CEP68: variants seen among roughly 807,000 people sequenced by gnomAD.
CEP68 encodes the protein centrosomal protein 68.
In CEP68, 26 loss-of-function variants were observed where a neutral mutation model predicts 55.3. The ratio of observed to expected loss-of-function variants is 0.47; its 90% CI spans 0.34 to 0.65. The LOEUF (loss-of-function observed/expected upper bound fraction) is 0.65, where lower values mean the gene tolerates loss of function less well. Among genes scored for constraint, CEP68 ranks in the 30% least tolerant of loss-of-function variants. The probability of loss-of-function intolerance (pLI) is 0.01; values close to 1 mark genes in which losing one functional copy is unlikely to be tolerated. For synonymous variants in CEP68, 402 were observed against 383.2 expected (o/e 1.05, Z -0.57); for missense variants, 957 against 946.7 (o/e 1.01, Z -0.14).
chr2:65,056,838 T>C (rs74181299), intron 1 of CEP68, among the ~76,000 whole-genome samples: 69,044 of 151,844 alleles, frequency 0.45, 16,682 homozygotes, highest in African/African-American at 0.63. Context: ...GGCGAGGGAG[T>C]GCGCGAGTCC....
chr2:65,062,705 T>C (rs528704001), intron 1 of CEP68, among the ~76,000 whole-genome samples: 1 of 151,004 alleles, frequency 6.6e-6, no homozygotes, highest in East Asian at 2.0e-4. Flanking sequence ...CGCATGGTGG[T>C]GCACGCCTGT....
chr2:65,056,633 C>G (rs1359094607), intron 1 of CEP68, 105 bp downstream of exon 1: 1 of 152,050 alleles, frequency 6.6e-6, no homozygotes, highest in African/African-American at 2.4e-5. Context: ...TCCCCCGCGT[C>G]TCTTCGGTGC....
At position 65,071,826 on chromosome 2, in the gene CEP68, C is replaced by G. The variant is rs1420153134; in HGVS notation, c.730C>G (p.Pro244Ala). The change falls in exon 3 of 7, where the codon CCT becomes GCT. Residue 244 changes from proline to alanine, a missense_variant. By Grantham distance (27) the Pro-to-Ala change is conservative. Coordinates refer to ENST00000377990, the MANE Select transcript of CEP68 (RefSeq NM_015147.3). ...ACCTTCCTCTGTGGTGGGGCTAGGA[C>G]CTCGGCCCCAGTGGTCACCACAGCC... ...QEPSSVVGLG[P>A]RPQWSPQPVF... The G allele has an allele frequency of 6.2e-7, 1 of 1,604,160 alleles. No homozygotes were observed. The highest frequency in any genetic ancestry group is 1.1e-5 in the South Asian group (1 of 89,918).
chr2:65,081,931 A>G (rs546664160), intron 5 of CEP68, among the ~76,000 whole-genome samples: 16 of 152,334 alleles, frequency 1.1e-4, no homozygotes, highest in African/African-American at 3.8e-4. Context: ...TCCTGACCTC[A>G]GGCAATCCAT....
chr2:65,078,020 C>A, intron 5 of CEP68, 56 bp downstream of exon 5: 2 of 1,341,508 alleles, frequency 1.5e-6, no homozygotes, highest in Non-Finnish European at 2.1e-6. Flanking sequence ...CAGCAGCAGG[C>A]CCAGGGACCG....
intron 4 of CEP68, among the ~76,000 whole-genome samples, chr2:65,076,529 A>G (rs1184356063): frequency 6.6e-6 from 1 of 152,090 alleles, no homozygotes; most frequent in African/African-American, 2.4e-5. Flanking sequence ...GCTCATGCGT[A>G]TGTGTGTGCT....
Position 65,059,452 on chromosome 2 carries a change from T to G in CEP68, c.-47+2924T>G, listed in dbSNP as rs10084305. Among the ~76,000 whole-genome samples, 804 of 152,344 alleles carry G rather than the reference T, an allele frequency of 5.3e-3. 5 individuals are homozygous for G. The highest frequency in any genetic ancestry group is 0.018 in the African/African-American group (763 of 41,558). The stretch of plus-strand genomic sequence containing the variant: ...AAATTCAGGTCTGTGATTCTGTTTT[T>G]AACATAGCCATCATGAATCTCAAAT... On this transcript the variant is annotated intron_variant, in intron 1 of 6. Coordinates refer to ENST00000377990, the MANE Select transcript of CEP68 (RefSeq NM_015147.3).
chr2:65,077,504 G>T (rs926707424), intron 4 of CEP68, among the ~76,000 whole-genome samples: 1 of 152,118 alleles, frequency 6.6e-6, no homozygotes, highest in African/African-American at 2.4e-5. Context: ...CAGATCTCCT[G>T]TGGTCCATTA....
chr2:65,071,522 T>A lies in CEP68; in HGVS notation c.426T>A (p.Thr142=), dbSNP rs762702424. The A allele has an allele frequency of 1.1e-5, 17 of 1,613,978 alleles. No individual in the cohort carries two copies. The East Asian group carries it at 2.7e-4, about 25-fold the overall frequency. Residue 142 remains threonine, a synonymous_variant, in exon 3 of 7, where the codon ACT becomes ACA. Coordinates refer to ENST00000377990, the MANE Select transcript of CEP68 (RefSeq NM_015147.3). Reference sequence around the variant, plus strand: ...CTCTGAGCCTTCCCAGAACAACAACTATTTGCTCAGGACATGATGCTGATA... The same window carrying A: ...CTCTGAGCCTTCCCAGAACAACAACAATTTGCTCAGGACATGATGCTGATA... ...PQTLSLPRTT[T]ICSGHDADTE...
At chr2:65,058,647 C>T (rs1295591559) in intron 1 of CEP68, among the ~76,000 whole-genome samples, 1 of 151,700 alleles carries the variant, frequency 6.6e-6, no homozygotes, top group East Asian at 1.9e-4. Context: ...GCTAGGATTA[C>T]AGGCACCCAC....
At chr2:65,076,994 C>CTTTA (rs1573044261) in intron 4 of CEP68, among the ~76,000 whole-genome samples, 1 of 51,624 alleles carries the variant, frequency 1.9e-5, no homozygotes, top group South Asian at 5.7e-4. Context: ...TTTGACTTTA[C>CTTTA]CTTTTTTTTT....
chr2:65,073,716 A>C (rs936594881), intron 3 of CEP68: 1 of 160,880 alleles, frequency 6.2e-6, no homozygotes, highest in African/African-American at 2.4e-5. Context: ...TTGAAGGTTC[A>C]GGAATGTGCC....
intron 3 of CEP68, 81 bp from the exon 4 acceptor site, chr2:65,074,198 GTCC>G (rs1331516357): frequency 1.6e-5 from 24 of 1,529,226 alleles, no homozygotes; most frequent in Non-Finnish European, 1.8e-5. Context: ...CTGTCTCCAA[GTCC>G]TCCTGATATT....
chr2:65,056,711 T>G (rs1675614121), intron 1 of CEP68, among the ~76,000 whole-genome samples, 183 bp downstream of exon 1: 6 of 151,918 alleles, frequency 3.9e-5, no homozygotes, highest in Admixed American at 2.6e-4. Context: ...AAAGGCTCCC[T>G]GGGGGGCGGG....
intron 1 of CEP68, among the ~76,000 whole-genome samples, chr2:65,066,748 ATATAT>A (rs1676203549): frequency 1.9e-5 from 1 of 51,846 alleles, no homozygotes; most frequent in African/African-American, 7.2e-5. Context: ...AAAAAAAAAT[ATATAT>A]ATATATATAT....
chr2:65,065,002 CTGTT>C (rs1410760548), intron 1 of CEP68, among the ~76,000 whole-genome samples: 2 of 152,186 alleles, frequency 1.3e-5, no homozygotes, highest in East Asian at 1.9e-4. Flanking sequence ...TGTGGCTTAA[CTGTT>C]TGATCACTTA....
rs781701140 is a variant in CEP68 at position 65,069,432 on chromosome 2, G to A, written c.-13G>A. The A allele has an allele frequency of 3.3e-6, 5 of 1,502,522 alleles. No homozygotes were observed. The South Asian group carries it at 6.9e-5, about 21-fold the overall frequency. 93.1% of individuals were successfully genotyped at this position (1,502,522 alleles called of 1,614,324 possible). A position where few individuals can be genotyped will look rare whatever the true frequency, so the allele number is the denominator to read the frequency against. On this transcript the variant is annotated 5_prime_UTR_variant, in exon 2 of 7. Coordinates refer to ENST00000377990, the MANE Select transcript of CEP68 (RefSeq NM_015147.3). ...AGTCTTCAGCAGAACCCTGACCTAG[G>A]TAGGGAGTCTCAATGGCCCTGGGTG...
intron 5 of CEP68, chr2:65,080,451 C>T: frequency 1.0e-6 from 1 of 985,422 alleles, no homozygotes; most frequent in Non-Finnish European, 1.2e-6. Flanking sequence ...AGCCAGCCTA[C>T]AAACATGTTT....
chr2:65,066,530 C>G (rs1676175542), intron 1 of CEP68, among the ~76,000 whole-genome samples: 1 of 150,898 alleles, frequency 6.6e-6, no homozygotes. Flanking sequence ...AATTTCAAGA[C>G]CAGCCTGGCC....
Sources: gnomAD v4.1 joint callset for allele counts (sites outside exome capture counted in the v4.1 genomes callset) on GRCh38, gnomAD v4.1.1 for gene constraint, MANE v1.5 for transcripts, NCBI Gene and HGNC (gene_info 2026-07-23, HGNC 2026-07-21) for gene names.